Variants in CAMTA1 observed in about 807,000 individuals in gnomAD.
CAMTA1 encodes the protein calmodulin binding transcription activator 1.
Under a neutral mutation model 170.9 loss-of-function variants are expected in CAMTA1, and 27 were observed. The observed-to-expected ratio is 0.16, with a 90% CI of 0.12 to 0.22. The LOEUF (loss-of-function observed/expected upper bound fraction) is 0.22, where lower values mean the gene tolerates loss of function less well. Among genes scored for constraint, CAMTA1 ranks in the 10% least tolerant of loss-of-function variants. The pLI, the probability that CAMTA1 is intolerant of heterozygous loss-of-function variation, is 1.00. For missense variants in CAMTA1, 1,619 were observed against 2,217.2 expected (o/e 0.73, Z 5.42); for synonymous variants, 833 against 891.5 (o/e 0.93, Z 1.17).
intron 1 of CAMTA1, among the ~76,000 whole-genome samples, chr1:6,787,880 A>G (rs1639871865): frequency 6.6e-6 from 1 of 152,136 alleles, no homozygotes; most frequent in African/African-American, 2.4e-5. Flanking sequence ...AGTGTAGGGG[A>G]AAGAGATTTC....
intron 5 of CAMTA1, among the ~76,000 whole-genome samples, chr1:7,353,941 G>C (rs1338539929): frequency 6.6e-6 from 1 of 152,000 alleles, no homozygotes; most frequent in Non-Finnish European, 1.5e-5. Context: ...CCCACTGTCT[G>C]TTGTTCTCCT....
At chr1:7,645,414 C>T (rs542983056) in intron 7 of CAMTA1, among the ~76,000 whole-genome samples, 6 of 152,364 alleles carry the variant, frequency 3.9e-5, no homozygotes, top group East Asian at 1.9e-4. Flanking sequence ...GGGGATGGCA[C>T]GCCAGGCATT....
At chr1:7,107,035 G>C (rs1282636817) in intron 4 of CAMTA1, among the ~76,000 whole-genome samples, 1 of 152,094 alleles carries the variant, frequency 6.6e-6, no homozygotes, top group Non-Finnish European at 1.5e-5. Flanking sequence ...GGCAGGTGGG[G>C]TGGGGAGAGG....
chr1:6,891,590 A>G (rs555968451), intron 3 of CAMTA1, among the ~76,000 whole-genome samples: 87 of 152,284 alleles, frequency 5.7e-4, no homozygotes, highest in Non-Finnish European at 9.6e-4. Context: ...CAGTATTTCA[A>G]CTAGGCGTTT....
chr1:7,031,398 T>C (rs1422252518), intron 3 of CAMTA1, among the ~76,000 whole-genome samples: 1 of 152,252 alleles, frequency 6.6e-6, no homozygotes, highest in Non-Finnish European at 1.5e-5. Flanking sequence ...AACATAGCCA[T>C]TGCAAATTTC....
At chr1:7,408,850 G>A (rs2090491688) in intron 5 of CAMTA1, among the ~76,000 whole-genome samples, 1 of 152,206 alleles carries the variant, frequency 6.6e-6, no homozygotes. Context: ...ATTGGCAGCA[G>A]GGCCCACGGT....
At chr1:7,650,325 C>T (rs532710482) in intron 7 of CAMTA1, among the ~76,000 whole-genome samples, 1 of 152,272 alleles carries the variant, frequency 6.6e-6, no homozygotes, top group South Asian at 2.1e-4. Context: ...TCACTGAGCA[C>T]CTTGGAGATT....
chr1:7,432,865 C>G (rs542003592), intron 5 of CAMTA1, among the ~76,000 whole-genome samples: 19 of 152,240 alleles, frequency 1.2e-4, no homozygotes, highest in Non-Finnish European at 2.4e-4. Flanking sequence ...GCAGGCAATG[C>G]CCAGGCTGAG....
intron 3 of CAMTA1, among the ~76,000 whole-genome samples, chr1:6,988,065 G>A (rs1307920956): frequency 6.6e-6 from 1 of 152,180 alleles, no homozygotes; most frequent in Non-Finnish European, 1.5e-5. Flanking sequence ...ATAGACCTGG[G>A]ACATGCTTGG....
intron 4 of CAMTA1, among the ~76,000 whole-genome samples, chr1:7,192,847 A>G (rs1318805960): frequency 2.0e-5 from 3 of 152,194 alleles, no homozygotes; most frequent in Non-Finnish European, 4.4e-5. Context: ...GGAAAAGGAA[A>G]GAAGGAGAAC....
At chr1:6,880,120 G>A (rs558497079) in intron 3 of CAMTA1, among the ~76,000 whole-genome samples, 138 of 151,808 alleles carry the variant, frequency 9.1e-4, no homozygotes, top group Non-Finnish European at 1.7e-3. Flanking sequence ...TAGAGACAGG[G>A]TTTTATTCTG....
chr1:7,640,226 C>T (rs983972179), intron 6 of CAMTA1, among the ~76,000 whole-genome samples, 174 bp from the exon 7 acceptor site: 2 of 152,142 alleles, frequency 1.3e-5, no homozygotes, highest in South Asian at 2.1e-4. Context: ...ATCCCACATG[C>T]GCCGGACAGC....
intron 6 of CAMTA1, among the ~76,000 whole-genome samples, chr1:7,602,113 T>TTCCTTCCC (rs1557986501): frequency 5.2e-5 from 7 of 134,770 alleles, no homozygotes; most frequent in African/African-American, 1.9e-4. Flanking sequence ...CCTTCCTTCC[T>TTCCTTCCC]TCCTTCCTTC....
At chr1:6,960,247 G>A (rs1338604384) in intron 3 of CAMTA1, among the ~76,000 whole-genome samples, 2 of 152,224 alleles carry the variant, frequency 1.3e-5, no homozygotes, top group African/African-American at 4.8e-5. Flanking sequence ...GACCAGAGGA[G>A]TTTTCCTGGG....
intron 10 of CAMTA1, chr1:7,671,928 G>C: frequency 2.2e-6 from 1 of 451,802 alleles, no homozygotes; most frequent in Non-Finnish European, 4.4e-6. Context: ...ATGTCACAGA[G>C]GGGGATGGAG....
At chr1:6,932,822 C>A (rs995627114) in intron 3 of CAMTA1, among the ~76,000 whole-genome samples, 1 of 152,030 alleles carries the variant, frequency 6.6e-6, no homozygotes, top group African/African-American at 2.4e-5. Flanking sequence ...AATCTTTTGT[C>A]CTTTAAAAAA....
intron 21 of CAMTA1, among the ~76,000 whole-genome samples, chr1:7,754,237 A>G (rs2096916557): frequency 6.6e-6 from 1 of 152,200 alleles, no homozygotes. Context: ...TGTGGTTAAT[A>G]CTTTCCAGAT....
At chr1:6,997,656 C>CTTTTTTTTTTTTTTTTTTTTTT (rs201500847) in intron 3 of CAMTA1, among the ~76,000 whole-genome samples, 1 of 128,410 alleles carries the variant, frequency 7.8e-6, no homozygotes, top group Non-Finnish European at 1.6e-5. Flanking sequence ...CCTTTCTTTT[C>CTTTTTTTTTTTTTTTTTTTTTT]TTTCTTTTTT....
In CAMTA1 at chr1:7,680,393, A is replaced by AG. The variant is rs1209021453; in HGVS notation, c.2914+2664dup. On this transcript the variant is annotated intron_variant, in intron 11 of 22. Transcript: ENST00000303635. This position sits in a 1 kb window ranked among gnomAD's most constrained non-coding sequence, Gnocchi z 4.4. ...GAGGGCTGGGGAAGGGGTGGGCGCCAGGGGACTGCAGCGCGGAGCAAACTG... is the reference window on the plus strand; with the variant it reads ...GAGGGCTGGGGAAGGGGTGGGCGCCAGGGGGACTGCAGCGCGGAGCAAACTG... Among the ~76,000 whole-genome samples, 1 of 151,974 alleles carries AG rather than the reference A, an allele frequency of 6.6e-6. No individual in the cohort carries two copies. The highest frequency in any genetic ancestry group is 1.5e-5 in the Non-Finnish European group (1 of 67,948).
Sources: allele counts gnomAD v4.1 joint callset (sites outside exome capture counted in the v4.1 genomes callset), GRCh38; gene constraint gnomAD v4.1.1; non-coding constraint Gnocchi (gnomAD v3.1); transcripts MANE v1.5; gene names NCBI Gene and HGNC (gene_info 2026-07-23, HGNC 2026-07-21).